ATXN7L1: variants seen among roughly 807,000 people sequenced by gnomAD.
The protein encoded by ATXN7L1 is ataxin 7 like 1, also known as ataxin-7-like protein 1.
ATXN7L1 carries 15 observed loss-of-function variants against 70.8 expected under a neutral mutation model. The ratio of observed to expected loss-of-function variants is 0.21; its 90% CI spans 0.14 to 0.33. The LOEUF (loss-of-function observed/expected upper bound fraction) is 0.33, where lower values mean the gene tolerates loss of function less well. Ranked by LOEUF, ATXN7L1 falls within the 10% of genes least tolerant of loss-of-function variation. The probability of loss-of-function intolerance (pLI) is 1.00; values close to 1 mark genes in which losing one functional copy is unlikely to be tolerated. For missense variants in ATXN7L1, 975 were observed against 1,097.1 expected, an observed-to-expected ratio of 0.89 and a Z score of 1.57; for synonymous variants, 440 against 445.1, an observed-to-expected ratio of 0.99 and a Z score of 0.14.
chr7:105,709,355 T>C (rs1308782716), intron 3 of ATXN7L1, among the ~76,000 whole-genome samples: 1 of 147,544 alleles, frequency 6.8e-6, no homozygotes, highest in Non-Finnish European at 1.5e-5. Flanking sequence ...GAATTTTTTT[T>C]CTATATTTCC....
chr7:105,791,200 C>T (rs1805183420), intron 2 of ATXN7L1, among the ~76,000 whole-genome samples: 1 of 152,214 alleles, frequency 6.6e-6, no homozygotes, highest in Admixed American at 6.5e-5. Context: ...AGGGGCCTCC[C>T]CAGGTTTCAG....
intron 2 of ATXN7L1, among the ~76,000 whole-genome samples, chr7:105,793,930 T>C (rs1424337269): frequency 6.6e-6 from 1 of 152,042 alleles, no homozygotes; most frequent in Non-Finnish European, 1.5e-5. Flanking sequence ...GCTATAGACA[T>C]GTAGTCATCC....
intron 3 of ATXN7L1, among the ~76,000 whole-genome samples, chr7:105,718,929 G>A (rs1794876399): frequency 6.6e-6 from 1 of 152,194 alleles, no homozygotes; most frequent in Non-Finnish European, 1.5e-5. Context: ...AGAAGCACCT[G>A]CTCTAGGCAC....
intron 2 of ATXN7L1, among the ~76,000 whole-genome samples, chr7:105,835,012 C>T (rs937472661): frequency 2.0e-5 from 3 of 151,814 alleles, no homozygotes; most frequent in Non-Finnish European, 4.4e-5. Flanking sequence ...ACAATGGAAT[C>T]CTCTTGACCC....
At chr7:105,806,879 A>G (rs904473666) in intron 2 of ATXN7L1, among the ~76,000 whole-genome samples, 44 of 152,058 alleles carry the variant, frequency 2.9e-4, no homozygotes, top group Non-Finnish European at 1.8e-4. Flanking sequence ...AGGGTGTGGA[A>G]GTCAACTGGC....
intron 3 of ATXN7L1, among the ~76,000 whole-genome samples, chr7:105,759,289 C>A (rs1024030751): frequency 1.3e-5 from 2 of 151,174 alleles, no homozygotes; most frequent in South Asian, 2.1e-4. Flanking sequence ...TGGGAGGCAG[C>A]GCTGAGATGA....
intron 7 of ATXN7L1, among the ~76,000 whole-genome samples, chr7:105,638,046 T>A (rs998563780): frequency 2.6e-5 from 4 of 152,156 alleles, no homozygotes; most frequent in Admixed American, 2.6e-4. Context: ...AGCTTACTCT[T>A]GCTGTGTAAA....
intron 3 of ATXN7L1, among the ~76,000 whole-genome samples, chr7:105,710,593 A>C (rs1793781938): frequency 6.6e-6 from 1 of 151,716 alleles, no homozygotes; most frequent in African/African-American, 2.4e-5. Context: ...GTATTTTTTT[A>C]GTAGAGATGT....
intron 3 of ATXN7L1, among the ~76,000 whole-genome samples, chr7:105,786,575 C>A (rs975498889): frequency 7.2e-5 from 11 of 152,150 alleles, no homozygotes; most frequent in Admixed American, 2.6e-4. Flanking sequence ...GAATGGAGTA[C>A]AATGGCACAA....
At chr7:105,612,028 C>T (rs887552829) in intron 10 of ATXN7L1, among the ~76,000 whole-genome samples, 1 of 152,170 alleles carries the variant, frequency 6.6e-6, no homozygotes, top group African/African-American at 2.4e-5. Flanking sequence ...TACTTGGCTG[C>T]TCCTTTCACC....
chr7:105,876,487 T>G lies in ATXN7L1; in HGVS notation c.72A>C (p.Gln24His). The change falls in exon 1 of 12, where the codon CAA becomes CAC. Residue 24 changes from glutamine to histidine, a missense_variant. Coordinates refer to ENST00000419735, the MANE Select transcript of ATXN7L1 (RefSeq NM_020725.2). The part of the protein sequence containing the change: ...AAAEGTGKKQ[Q>H]EGRAMATLDR... The stretch of plus-strand genomic sequence containing the variant: ...CCAGTGTCGCCATTGCTCTTCCTTC[T>G]TGTTGCTTTTTCCCTGTTCCTTCGG... The G allele has an allele frequency of 1.2e-6, 2 of 1,613,270 alleles. No homozygotes were observed. The highest frequency in any genetic ancestry group is 2.2e-5 in the South Asian group (2 of 91,040).
At chr7:105,747,020 GC>G (rs1376431421) in intron 3 of ATXN7L1, among the ~76,000 whole-genome samples, 2 of 152,132 alleles carry the variant, frequency 1.3e-5, no homozygotes, top group Non-Finnish European at 2.9e-5. Context: ...AAACATATTT[GC>G]CCCTGTGATA....
chr7:105,697,014 G>A (rs960754922), intron 3 of ATXN7L1, among the ~76,000 whole-genome samples: 2 of 152,180 alleles, frequency 1.3e-5, no homozygotes, highest in Admixed American at 6.5e-5. Flanking sequence ...GGGACTGTGC[G>A]AATAGGTGTG....
intron 3 of ATXN7L1, among the ~76,000 whole-genome samples, chr7:105,780,819 C>A (rs1002390989): frequency 1.1e-4 from 16 of 152,172 alleles, no homozygotes; most frequent in African/African-American, 3.9e-4. Context: ...ATTCCAATGG[C>A]TAGCTCTGTG....
At chr7:105,696,716 T>C (rs552076904) in intron 3 of ATXN7L1, among the ~76,000 whole-genome samples, 1 of 152,314 alleles carries the variant, frequency 6.6e-6, no homozygotes, top group Admixed American at 6.5e-5. Flanking sequence ...AGACAAACGC[T>C]GTTTTGCTAA....
intron 2 of ATXN7L1, among the ~76,000 whole-genome samples, chr7:105,870,391 C>T (rs1216808828): frequency 2.0e-5 from 3 of 151,932 alleles, no homozygotes; most frequent in Admixed American, 6.6e-5. Context: ...GTTTCTGCTA[C>T]GTATCTTTTC....
At chr7:105,810,607 G>C (rs57443287) in intron 2 of ATXN7L1, among the ~76,000 whole-genome samples, 38,780 of 152,120 alleles carry the variant, frequency 0.25, 6,350 homozygotes, top group East Asian at 0.61. Context: ...GTTCCGCACA[G>C]AGGGAAGAGC....
chr7:105,685,071 A>G (rs1309974342), intron 3 of ATXN7L1, among the ~76,000 whole-genome samples: 1 of 149,488 alleles, frequency 6.7e-6, no homozygotes, highest in African/African-American at 2.4e-5. Flanking sequence ...TAATAATAAT[A>G]ATAATAATAA....
chr7:105,870,500 A>T (rs1234390895), intron 2 of ATXN7L1, among the ~76,000 whole-genome samples: 1 of 152,212 alleles, frequency 6.6e-6, no homozygotes, highest in Admixed American at 6.5e-5. Context: ...ACATTCATTA[A>T]GCACTTACTA....
Sources: gnomAD v4.1 joint callset for allele counts (sites outside exome capture counted in the v4.1 genomes callset) on GRCh38, gnomAD v4.1.1 for gene constraint, MANE v1.5 for transcripts, NCBI Gene and HGNC (gene_info 2026-07-23, HGNC 2026-07-21) for gene names.